The following DTWD2 variants were observed in gnomAD, a reference collection of about 807,000 sequenced individuals.
The protein encoded by DTWD2 is DTW motif tRNA-uridine aminocarboxypropyltransferase 2.
Under a neutral mutation model 31.8 loss-of-function variants are expected in DTWD2, and 39 were observed. The ratio of observed to expected loss-of-function variants is 1.22; its 90% CI spans 0.95 to 1.60. The LOEUF (loss-of-function observed/expected upper bound fraction) is 1.60, where lower values mean the gene tolerates loss of function less well. Among genes scored for constraint, DTWD2 ranks in the 40% most tolerant of loss-of-function variants. The probability of loss-of-function intolerance (pLI) is 0.00; values close to 1 mark genes in which losing one functional copy is unlikely to be tolerated. For missense variants in DTWD2, 515 were observed against 381.5 expected (o/e 1.35, Z -2.92); for synonymous variants, 180 against 142.8 (o/e 1.26, Z -1.86).
chr5:118,929,119 A>T (rs146928350), intron 3 of DTWD2, among the ~76,000 whole-genome samples: 266 of 152,376 alleles, frequency 1.7e-3, no homozygotes, highest in African/African-American at 5.9e-3. Context: ...AAACAATCCT[A>T]ACAATCCCAA....
intron 1 of DTWD2, among the ~76,000 whole-genome samples, chr5:118,949,117 G>A (rs2149587945): frequency 6.6e-6 from 1 of 152,310 alleles, no homozygotes. Context: ...AGGAGCAGAA[G>A]GGTGTCCTTT....
chr5:118,859,018 G>A (rs1380241332), intron 4 of DTWD2, among the ~76,000 whole-genome samples: 1 of 151,988 alleles, frequency 6.6e-6, no homozygotes, highest in South Asian at 2.1e-4. Context: ...ACCTTTAGTG[G>A]TGCTAAAATT....
chr5:118,967,782 T>G (rs969419492), intron 1 of DTWD2, among the ~76,000 whole-genome samples: 7 of 151,644 alleles, frequency 4.6e-5, no homozygotes, highest in Admixed American at 4.6e-4. Context: ...ATGGGGAAAA[T>G]AGAGAATCAC....
At chr5:118,891,698 AAC>A (rs149840532) in intron 4 of DTWD2, among the ~76,000 whole-genome samples, 234 of 152,372 alleles carry the variant, frequency 1.5e-3, no homozygotes, top group African/African-American at 5.3e-3. Flanking sequence ...ATATGAATGC[AAC>A]ACAGTCATAC....
intron 4 of DTWD2, among the ~76,000 whole-genome samples, chr5:118,914,279 C>G (rs73239053): frequency 0.23 from 35,004 of 152,062 alleles, 9,008 homozygotes; most frequent in African/African-American, 0.64. Flanking sequence ...TCTAGGAGTG[C>G]GTTCTTTCTC....
intron 1 of DTWD2, among the ~76,000 whole-genome samples, chr5:118,966,409 C>A (rs1281782800): frequency 6.6e-6 from 1 of 152,150 alleles, no homozygotes; most frequent in Non-Finnish European, 1.5e-5. Context: ...GTATACACCT[C>A]TTTTGTGTTC....
chr5:118,978,648 G>A (rs1460816801), intron 1 of DTWD2, among the ~76,000 whole-genome samples: 4 of 152,170 alleles, frequency 2.6e-5, no homozygotes, highest in African/African-American at 9.6e-5. Context: ...CACTGATTAT[G>A]GAAATCCATA....
intron 4 of DTWD2, among the ~76,000 whole-genome samples, chr5:118,924,882 T>G (rs977406335): frequency 4.6e-5 from 7 of 152,186 alleles, no homozygotes; most frequent in Admixed American, 2.6e-4. Context: ...CCTCATCTGT[T>G]ATCTAAGATG....
At position 118,838,123 on chromosome 5, in the gene DTWD2, G is replaced by C. The variant is rs1198050188; in HGVS notation, c.*2794C>G. 6.6e-6 allele frequency: 1 copy of C among 152,116 alleles called. No homozygotes were observed. The highest frequency in any genetic ancestry group is 2.4e-5 in the African/African-American group (1 of 41,414). 9.4% of individuals were successfully genotyped at this position (152,116 alleles called of 1,614,324 possible). A position where few individuals can be genotyped will look rare whatever the true frequency, so the allele number is the denominator to read the frequency against. On this transcript the variant is annotated 3_prime_UTR_variant, in exon 6 of 6. Transcript: ENST00000510708. ...CCTGTAGAAAGTTGCCATGCACTGT[G>C]ACTTACTACTTTGTATAATCTAGTT...
intron 4 of DTWD2, among the ~76,000 whole-genome samples, chr5:118,873,824 A>T (rs114495374): frequency 0.01 from 1,581 of 152,024 alleles, 27 homozygotes; most frequent in African/African-American, 0.036. Flanking sequence ...CCCCAAGCCA[A>T]CTCCATCTCA....
intron 4 of DTWD2, among the ~76,000 whole-genome samples, chr5:118,903,864 GT>G: frequency 6.6e-6 from 1 of 151,392 alleles, no homozygotes; most frequent in South Asian, 2.1e-4. Context: ...ATGAAATAGA[GT>G]TAAAAAGAAA....
At chr5:118,979,182 T>A (rs1006408635) in intron 1 of DTWD2, among the ~76,000 whole-genome samples, 13 of 152,116 alleles carry the variant, frequency 8.5e-5, no homozygotes, top group Admixed American at 8.5e-4. Context: ...CGGGCACCTG[T>A]AGTCCCAGCT....
At chr5:118,975,901 TCAC>T (rs2149601445) in intron 1 of DTWD2, among the ~76,000 whole-genome samples, 1 of 152,250 alleles carries the variant, frequency 6.6e-6, no homozygotes, top group South Asian at 2.1e-4. Context: ...ATTCTTCTCA[TCAC>T]CACATCACAC....
At chr5:118,941,945 T>G (rs904979041) in intron 2 of DTWD2, among the ~76,000 whole-genome samples, 2 of 152,236 alleles carry the variant, frequency 1.3e-5, no homozygotes, top group African/African-American at 4.8e-5. Flanking sequence ...AAGAGCATTT[T>G]TTCATGTGTC....
At chr5:118,866,515 C>T (rs192817790) in intron 4 of DTWD2, among the ~76,000 whole-genome samples, 1 of 152,090 alleles carries the variant, frequency 6.6e-6, no homozygotes, top group East Asian at 1.9e-4. Context: ...CATAAATGAA[C>T]ATTAATACTC....
intron 2 of DTWD2, among the ~76,000 whole-genome samples, chr5:118,941,899 T>A (rs1411930857): frequency 6.6e-6 from 1 of 152,244 alleles, no homozygotes; most frequent in Non-Finnish European, 1.5e-5. Context: ...TATCTCATTG[T>A]GGTTTTGATT....
rs1033344604 is a variant in DTWD2, at chr5:118,836,875, G to A, written c.*4042C>T. On this transcript the variant is annotated 3_prime_UTR_variant, in exon 6 of 6. Transcript: ENST00000510708. ...CCAGACTTAGAAGAAATAAATTTCT[G>A]TTTTTTATAAGCTATCCAGTCTCTG... Among the ~76,000 whole-genome samples, 5 of 152,122 alleles carry A rather than the reference G, an allele frequency of 3.3e-5. No homozygotes were observed. The highest frequency in any genetic ancestry group is 7.4e-5 in the Non-Finnish European group (5 of 68,008).
At chr5:118,917,397 C>G (rs1259373153) in intron 4 of DTWD2, among the ~76,000 whole-genome samples, 1 of 152,148 alleles carries the variant, frequency 6.6e-6, no homozygotes, top group Non-Finnish European at 1.5e-5. Flanking sequence ...GTTTTTGACT[C>G]TTAGGTCATA....
chr5:118,932,006 A>C (rs1356302090), intron 3 of DTWD2, among the ~76,000 whole-genome samples: 1 of 152,174 alleles, frequency 6.6e-6, no homozygotes, highest in Non-Finnish European at 1.5e-5. Context: ...CCCAAGGGAA[A>C]TTTTTAAATA....
Sources: gnomAD v4.1 joint callset for allele counts (sites outside exome capture counted in the v4.1 genomes callset) on GRCh38, gnomAD v4.1.1 for gene constraint, MANE v1.5 for transcripts, NCBI Gene and HGNC (gene_info 2026-07-23, HGNC 2026-07-21) for gene names.